The following KRCC1 variants were observed in gnomAD, a reference collection of about 807,000 sequenced individuals.
KRCC1 encodes lysine rich coiled-coil 1, also known as lysine-rich coiled-coil protein 1.
A neutral mutation model predicts 7.4 loss-of-function variants in KRCC1; 3 were observed. The ratio of observed to expected loss-of-function variants is 0.40; its 90% CI spans 0.18 to 1.04. The LOEUF (loss-of-function observed/expected upper bound fraction) is 1.04. Ranked by LOEUF, KRCC1 falls within the 50% of genes least tolerant of loss-of-function variation. The pLI is 0.33. For missense variants in KRCC1, 277 were observed against 300.9 expected, an observed-to-expected ratio of 0.92 and a Z score of 0.59; for synonymous variants, 102 against 101.6, an observed-to-expected ratio of 1.00 and a Z score of -0.02.
intron 1 of KRCC1, among the ~76,000 whole-genome samples, chr2:88,048,477 A>T (rs190840210): frequency 4.3e-4 from 65 of 152,250 alleles, no homozygotes; most frequent in Admixed American, 2.3e-3. Flanking sequence ...TAGTATTTTT[A>T]AAAAAATGTT....
At chr2:88,050,915 CCTTA>C (rs201134229) in intron 1 of KRCC1, among the ~76,000 whole-genome samples, 1,904 of 112,634 alleles carry the variant, frequency 0.017, 34 homozygotes, top group African/African-American at 0.054. Flanking sequence ...TCTATATCTT[CCTTA>C]CTTGCTTTTT....
chr2:88,035,674 G>A (rs1673077527), intron 2 of KRCC1, among the ~76,000 whole-genome samples: 1 of 152,108 alleles, frequency 6.6e-6, no homozygotes, highest in Non-Finnish European at 1.5e-5. Flanking sequence ...TAAATGTAGG[G>A]AAAAGGACAC....
intron 1 of KRCC1, among the ~76,000 whole-genome samples, chr2:88,043,391 C>G (rs1303578079): frequency 6.6e-6 from 1 of 152,170 alleles, no homozygotes; most frequent in Non-Finnish European, 1.5e-5. Context: ...AATTAAACTT[C>G]AAGTATATTC....
intron 3 of KRCC1, among the ~76,000 whole-genome samples, chr2:88,029,890 C>T (rs1158006312): frequency 1.3e-5 from 2 of 148,318 alleles, no homozygotes; most frequent in Non-Finnish European, 3.0e-5. Context: ...CCCTATCACC[C>T]AGGCTGGAGT....
At chr2:88,049,271 G>C (rs916322210) in intron 1 of KRCC1, among the ~76,000 whole-genome samples, 10 of 152,192 alleles carry the variant, frequency 6.6e-5, no homozygotes, top group African/African-American at 2.2e-4. Flanking sequence ...TCATGCTTGT[G>C]AAGTTAGTTT....
chr2:88,041,322 AGAG>A (rs561309107), intron 1 of KRCC1, among the ~76,000 whole-genome samples: 1 of 152,170 alleles, frequency 6.6e-6, no homozygotes, highest in Non-Finnish European at 1.5e-5. Flanking sequence ...AAGAGGAAGA[AGAG>A]TTGTTACTGT....
intron 3 of KRCC1, among the ~76,000 whole-genome samples, chr2:88,029,841 T>A (rs202125608): frequency 0.028 from 325 of 11,606 alleles, 4 homozygotes; most frequent in East Asian, 0.073. Context: ...TATAAAAAAA[T>A]ATATATATAT....
intron 1 of KRCC1, among the ~76,000 whole-genome samples, chr2:88,052,060 C>T (rs1270847339): frequency 6.6e-6 from 1 of 152,172 alleles, no homozygotes; most frequent in Non-Finnish European, 1.5e-5. Flanking sequence ...GAAGATAATC[C>T]CAAATGTTGA....
At chr2:88,037,301 G>A (rs1673110109) in intron 1 of KRCC1, among the ~76,000 whole-genome samples, 1 of 151,924 alleles carries the variant, frequency 6.6e-6, no homozygotes, top group Admixed American at 6.6e-5. Context: ...AAAGTTACTG[G>A]GGCACCAATA....
chr2:88,050,099 A>T (rs1403446053), intron 1 of KRCC1, among the ~76,000 whole-genome samples: 1 of 152,230 alleles, frequency 6.6e-6, no homozygotes, highest in African/African-American at 2.4e-5. Context: ...CTTAGTACCA[A>T]GTATAATATC....
chr2:88,044,519 A>G (rs1026337185), intron 1 of KRCC1, among the ~76,000 whole-genome samples: 1 of 152,224 alleles, frequency 6.6e-6, no homozygotes, highest in Non-Finnish European at 1.5e-5. Flanking sequence ...TTATGACTCA[A>G]TTATAGGACA....
chr2:88,031,406 G>A (rs1044058780), intron 3 of KRCC1, among the ~76,000 whole-genome samples: 1 of 152,070 alleles, frequency 6.6e-6, no homozygotes, highest in Admixed American at 6.6e-5. Flanking sequence ...TGGATCACTT[G>A]AGGTCAGGAG....
intron 1 of KRCC1, among the ~76,000 whole-genome samples, chr2:88,051,107 T>C (rs1185933177): frequency 2.6e-5 from 4 of 151,972 alleles, no homozygotes; most frequent in Non-Finnish European, 5.9e-5. Context: ...TTTTTTTTTT[T>C]TGTAGACAGG....
At chr2:88,045,969 C>T (rs145221762) in intron 1 of KRCC1, among the ~76,000 whole-genome samples, 8 of 152,132 alleles carry the variant, frequency 5.3e-5, no homozygotes, top group African/African-American at 1.2e-4. Context: ...CGTGAGCCAC[C>T]GTGCCCGGCC....
At chr2:88,031,960 T>C (rs1673000437) in intron 3 of KRCC1, among the ~76,000 whole-genome samples, 1 of 151,840 alleles carries the variant, frequency 6.6e-6, no homozygotes, top group Non-Finnish European at 1.5e-5. Flanking sequence ...CTGGCCGACA[T>C]GGTGAAACCC....
At chr2:88,040,358 C>G (rs912407193) in intron 1 of KRCC1, among the ~76,000 whole-genome samples, 4 of 152,206 alleles carry the variant, frequency 2.6e-5, no homozygotes, top group African/African-American at 9.6e-5. Context: ...TTTTCAATAC[C>G]TATAACATTA....
In KRCC1 at chr2:88,048,875, T is replaced by C. The variant is rs536127634; in HGVS notation, c.-291+6751A>G. 1.1e-4 allele frequency among the ~76,000 whole-genome samples: 17 copies of C among 152,336 alleles called. 1 individual carries two copies. In the South Asian group the frequency reaches 3.1e-3, roughly 28 times the overall value. On this transcript the variant is annotated intron_variant, in intron 1 of 3. Coordinates refer to ENST00000347055, the MANE Select transcript of KRCC1 (RefSeq NM_016618.3). ...ATTCTGTTATCTTTGCCAAAACATG[T>C]TGTTTGATTCCTTTTTTCCCCAGAG...
chr2:88,039,549 AT>A (rs1381963877), intron 1 of KRCC1, among the ~76,000 whole-genome samples: 1 of 151,860 alleles, frequency 6.6e-6, no homozygotes, highest in African/African-American at 2.4e-5. Flanking sequence ...TTAGCCGGGC[AT>A]GTTGGCACAT....
intron 1 of KRCC1, among the ~76,000 whole-genome samples, chr2:88,039,659 G>A (rs1191733407): frequency 6.6e-6 from 1 of 152,068 alleles, no homozygotes; most frequent in Non-Finnish European, 1.5e-5. Context: ...CTGCGTTCCA[G>A]CCTGGGCGAC....
Sources: allele counts gnomAD v4.1 joint callset (sites outside exome capture counted in the v4.1 genomes callset), GRCh38; gene constraint gnomAD v4.1.1; transcripts MANE v1.5; gene names NCBI Gene and HGNC (gene_info 2026-07-23, HGNC 2026-07-21).